Variants in CTDSPL observed in about 807,000 individuals in gnomAD.
CTDSPL encodes CTD small phosphatase like, also known as CTD small phosphatase-like protein.
CTDSPL carries 8 observed loss-of-function variants against 30.5 expected under a neutral mutation model. The observed-to-expected ratio is 0.26, with a 90% CI of 0.15 to 0.47. CTDSPL has a LOEUF of 0.47. Ranked by LOEUF, CTDSPL falls within the 20% of genes least tolerant of loss-of-function variation. The pLI is 0.99. For synonymous variants in CTDSPL, 110 were observed against 137.9 expected (o/e 0.80, Z 1.42); for missense variants, 248 against 366.1 (o/e 0.68, Z 2.63).
At chr3:37,944,522 C>G (rs1363919902) in intron 1 of CTDSPL, among the ~76,000 whole-genome samples, 1 of 150,026 alleles carries the variant, frequency 6.7e-6, no homozygotes, top group African/African-American at 2.4e-5. Flanking sequence ...GTCCAGAGCA[C>G]CCACGTCTGG....
At chr3:37,962,183 C>T (rs1220238825) in intron 3 of CTDSPL, among the ~76,000 whole-genome samples, 1 of 152,210 alleles carries the variant, frequency 6.6e-6, no homozygotes, top group Non-Finnish European at 1.5e-5. Context: ...CTGAACAGAT[C>T]AATTGAAGTA....
intron 2 of CTDSPL, among the ~76,000 whole-genome samples, chr3:37,951,285 G>A (rs977323308): frequency 2.0e-5 from 3 of 151,994 alleles, no homozygotes; most frequent in Non-Finnish European, 4.4e-5. Flanking sequence ...GGAGAATGGT[G>A]TGAACCCAGG....
At chr3:37,937,198 G>C (rs1382615477) in intron 1 of CTDSPL, among the ~76,000 whole-genome samples, 1 of 150,268 alleles carries the variant, frequency 6.7e-6, no homozygotes, top group Non-Finnish European at 1.5e-5. Flanking sequence ...AAACATCAGA[G>C]GTAGGGGGGC....
intron 2 of CTDSPL, among the ~76,000 whole-genome samples, chr3:37,951,483 C>T (rs1342886725): frequency 6.6e-6 from 1 of 152,084 alleles, no homozygotes; most frequent in African/African-American, 2.4e-5. Flanking sequence ...TGAGACCAGC[C>T]TGGGCAACAT....
intron 4 of CTDSPL, among the ~76,000 whole-genome samples, chr3:37,965,394 A>G (rs1457197574): frequency 6.6e-6 from 1 of 152,216 alleles, no homozygotes; most frequent in African/African-American, 2.4e-5. Flanking sequence ...TGAGTTAGTT[A>G]ACCATTTTTT....
At chr3:37,968,153 C>T (rs2125632154) in intron 5 of CTDSPL, 2 of 449,692 alleles carry the variant, frequency 4.4e-6, no homozygotes, top group East Asian at 9.4e-5. Flanking sequence ...CCGTATCCCC[C>T]ACTGGCCTAG....
In CTDSPL at chr3:37,981,199, C is replaced by T. The variant is rs921865242; in HGVS notation, c.*332C>T. 5.8e-5 allele frequency: 10 copies of T among 170,944 alleles called. No homozygotes were observed. In the East Asian group the frequency reaches 1.3e-3, roughly 22 times the overall value. The allele number at this position is 170,944 out of a possible 1,614,324, so 10.6% of individuals were successfully genotyped here. A position where few individuals can be genotyped will look rare whatever the true frequency, so the allele number is the denominator to read the frequency against. On this transcript the variant is annotated 3_prime_UTR_variant, in exon 8 of 8. Coordinates refer to ENST00000273179, the MANE Select transcript of CTDSPL (RefSeq NM_001008392.2). The stretch of plus-strand genomic sequence containing the variant: ...ACTGTCCTCCCCTCCAAGCAGACCA[C>T]CTGTCCCCTTCTATCCCAGCTCAGA...
chr3:37,927,161 A>C (rs897558073), intron 1 of CTDSPL, among the ~76,000 whole-genome samples: 4 of 152,222 alleles, frequency 2.6e-5, no homozygotes, highest in African/African-American at 7.2e-5. Context: ...TAACCATTGA[A>C]GAATAGAAAA....
intron 1 of CTDSPL, among the ~76,000 whole-genome samples, chr3:37,900,275 G>A (rs551550573): frequency 4.6e-5 from 7 of 152,260 alleles, no homozygotes; most frequent in Non-Finnish European, 4.4e-5. Context: ...TGTTTGGCCG[G>A]ACATAAGGCA....
At chr3:37,970,936 A>G (rs569024713) in intron 5 of CTDSPL, among the ~76,000 whole-genome samples, 1 of 152,298 alleles carries the variant, frequency 6.6e-6, no homozygotes, top group East Asian at 1.9e-4. Context: ...GGGGATGTCC[A>G]TCCAGAACAG....
chr3:37,984,405 A>T lies in CTDSPL; in HGVS notation c.*3538A>T, dbSNP rs2125639172. 1.2e-5 allele frequency: 5 copies of T among 429,204 alleles called. No individual in the cohort carries two copies. The highest frequency in any genetic ancestry group is 2.4e-5 in the Non-Finnish European group (5 of 208,068). 26.6% of individuals were successfully genotyped at this position (429,204 alleles called of 1,614,324 possible). A position where few individuals can be genotyped will look rare whatever the true frequency, so the allele number is the denominator to read the frequency against. Reference sequence around the variant, plus strand: ...CGGAATGTGCACGTTTCCAGGGGCGAGTATTGTCAATCAAAAGGTTTGCAA... The same window carrying T: ...CGGAATGTGCACGTTTCCAGGGGCGTGTATTGTCAATCAAAAGGTTTGCAA... On this transcript the variant is annotated 3_prime_UTR_variant, in exon 8 of 8. Coordinates refer to ENST00000273179, the MANE Select transcript of CTDSPL (RefSeq NM_001008392.2).
intron 7 of CTDSPL, among the ~76,000 whole-genome samples, chr3:37,977,878 C>G (rs1233011630): frequency 6.6e-6 from 1 of 151,872 alleles, no homozygotes; most frequent in Non-Finnish European, 1.5e-5. Flanking sequence ...GCCTGAGTGA[C>G]AGAGCAAGAC....
chr3:37,927,417 G>A (rs1698792716), intron 1 of CTDSPL, among the ~76,000 whole-genome samples: 1 of 152,014 alleles, frequency 6.6e-6, no homozygotes, highest in African/African-American at 2.4e-5. Flanking sequence ...CATTATGTAT[G>A]TGCAAATATT....
At chr3:37,962,550 A>C (rs763010491) in intron 3 of CTDSPL, among the ~76,000 whole-genome samples, 1 of 152,242 alleles carries the variant, frequency 6.6e-6, no homozygotes, top group Non-Finnish European at 1.5e-5. Context: ...GAATGCTTGT[A>C]AAGTGTGGGT....
chr3:37,893,867 T>C (rs1321765417), intron 1 of CTDSPL, among the ~76,000 whole-genome samples: 1 of 152,152 alleles, frequency 6.6e-6, no homozygotes, highest in Non-Finnish European at 1.5e-5. Flanking sequence ...TGTTGATTTT[T>C]CCCCCCAGCC....
In CTDSPL at chr3:37,982,062, A is replaced by G. The variant is rs10095; in HGVS notation, c.*1195A>G. The stretch of plus-strand genomic sequence containing the variant: ...CACTGAAGGGTACAAAGGCAAAAGG[A>G]CCACAGCACCACTTAGGTGTAGCAT... On this transcript the variant is annotated 3_prime_UTR_variant, in exon 8 of 8. Coordinates refer to ENST00000273179, the MANE Select transcript of CTDSPL (RefSeq NM_001008392.2). 64,266 of 354,734 alleles carry G rather than the reference A, an allele frequency of 0.18. 6,430 individuals carry two copies. The highest frequency in any genetic ancestry group is 0.26 in the South Asian group (12,182 of 47,426). The allele number at this position is 354,734 out of a possible 1,614,324, so 22.0% of individuals were successfully genotyped here. A position where few individuals can be genotyped will look rare whatever the true frequency, so the allele number is the denominator to read the frequency against.
Position 37,935,782 on chromosome 3 carries a change from T to G in CTDSPL, c.80-11275T>G, listed in dbSNP as rs181921210. ...AAGGCAGGCAGCATTGGGCCTCAGA[T>G]TCAGAGTTTCTCTATGGAAATTAGA... On this transcript the variant is annotated intron_variant, in intron 1 of 7. Coordinates refer to ENST00000273179, the MANE Select transcript of CTDSPL (RefSeq NM_001008392.2). 4.1e-4 allele frequency among the ~76,000 whole-genome samples: 63 copies of G among 152,202 alleles called. 1 individual carries two copies. The highest frequency in any genetic ancestry group is 1.5e-3 in the African/African-American group (61 of 41,528).
intron 7 of CTDSPL, among the ~76,000 whole-genome samples, chr3:37,977,574 ATT>A (rs925724763): frequency 1.3e-4 from 18 of 140,266 alleles, no homozygotes; most frequent in African/African-American, 3.1e-4. Flanking sequence ...ATTAGATTCG[ATT>A]TTTTTTTTTT....
At chr3:37,942,466 G>A (rs1698989588) in intron 1 of CTDSPL, among the ~76,000 whole-genome samples, 1 of 150,262 alleles carries the variant, frequency 6.7e-6, no homozygotes, top group Non-Finnish European at 1.5e-5. Context: ...AGCATGACAA[G>A]ACCCTGTCTC....
Sources: gnomAD v4.1 joint callset for allele counts (sites outside exome capture counted in the v4.1 genomes callset) on GRCh38, gnomAD v4.1.1 for gene constraint, MANE v1.5 for transcripts, NCBI Gene and HGNC (gene_info 2026-07-23, HGNC 2026-07-21) for gene names.